Variants in RAB31 observed in about 807,000 individuals in gnomAD.
The protein encoded by RAB31 is RAB31, member RAS oncogene family.
Under a neutral mutation model 25.6 loss-of-function variants are expected in RAB31, and 21 were observed. That is an observed-to-expected ratio of 0.82 (90% confidence interval 0.58 to 1.18). RAB31 has a LOEUF of 1.18. Among genes scored for constraint, RAB31 ranks in the 50% most tolerant of loss-of-function variants. The pLI is 0.00. For synonymous variants in RAB31, 87 were observed against 84.0 expected, an observed-to-expected ratio of 1.04 and a Z score of -0.20; for missense variants, 196 against 250.1, an observed-to-expected ratio of 0.78 and a Z score of 1.46.
At chr18:9,839,240 G>A (rs2068720177) in intron 5 of RAB31, among the ~76,000 whole-genome samples, 1 of 152,168 alleles carries the variant, frequency 6.6e-6, no homozygotes, top group Non-Finnish European at 1.5e-5. Flanking sequence ...ACCTGAACAG[G>A]GAGAAGTGGG....
chr18:9,723,877 G>A (rs529882548), intron 1 of RAB31, among the ~76,000 whole-genome samples: 15 of 152,172 alleles, frequency 9.9e-5, no homozygotes, highest in South Asian at 2.1e-4. Flanking sequence ...AACACCTCCC[G>A]CGAGGCCCAC....
chr18:9,819,512 CGTT>C lies in RAB31; in HGVS notation c.380+4294_380+4296del, dbSNP rs1412046192. Among the ~76,000 whole-genome samples, 15 of 152,206 alleles carry C rather than the reference CGTT, an allele frequency of 9.9e-5. No individual in the cohort carries two copies. In the East Asian group the frequency reaches 2.9e-3, roughly 29 times the overall value. The stretch of plus-strand genomic sequence containing the variant: ...AAATTTAAAACTGTGAGTCCTTCAA[CGTT>C]GTTCTCTTTTTCAAGATTGTTTGAC... On this transcript the variant is annotated intron_variant, in intron 5 of 6. Coordinates refer to ENST00000578921, the MANE Select transcript of RAB31 (RefSeq NM_006868.4).
rs559716489 is a variant in RAB31, at chr18:9,771,742, C to G, written c.40-3536C>G. ...CATCCACTTGAGCGGTCCCAAGCCA[C>G]GGGTCAGAGAGGATTCGATGGTGGT... is the stretch of plus-strand genomic sequence containing the variant. On this transcript the variant is annotated intron_variant, in intron 1 of 6. Transcript: ENST00000578921. 2.0e-5 allele frequency among the ~76,000 whole-genome samples: 3 copies of G among 152,318 alleles called. No individual in the cohort carries two copies. In the South Asian group the frequency reaches 6.2e-4, roughly 32 times the overall value.
intron 2 of RAB31, among the ~76,000 whole-genome samples, chr18:9,782,318 G>A (rs1055745644): frequency 6.6e-6 from 1 of 152,202 alleles, no homozygotes; most frequent in Admixed American, 6.5e-5. Flanking sequence ...CAGCCCGTGA[G>A]CAGCCCACTC....
Position 9,859,377 on chromosome 18 carries a change from G to A in RAB31, c.*52G>A. ...GAAGAAGCCAGAGCCCACATCCTGTGCACTGCTGAAGGACCCTACGCTCGG... is the reference window on the plus strand; with the variant it reads ...GAAGAAGCCAGAGCCCACATCCTGTACACTGCTGAAGGACCCTACGCTCGG... On this transcript the variant is annotated 3_prime_UTR_variant, in exon 7 of 7. Coordinates refer to ENST00000578921, the MANE Select transcript of RAB31 (RefSeq NM_006868.4). 1 of 1,503,928 alleles carries A rather than the reference G, an allele frequency of 6.6e-7. No homozygotes were observed. The highest frequency in any genetic ancestry group is 9.2e-7 in the Non-Finnish European group (1 of 1,082,012). The allele number at this position is 1,503,928 out of a possible 1,614,324, so 93.2% of individuals were successfully genotyped here.
At position 9,752,556 on chromosome 18, in the gene RAB31, C is replaced by T. The variant is rs564971327; in HGVS notation, c.40-22722C>T. The stretch of plus-strand genomic sequence containing the variant: ...GGCCCTTTAAATGGACAAAACTGTG[C>T]AACCTGGAGGTCTGAGGGCAGCTGC... On this transcript the variant is annotated intron_variant, in intron 1 of 6. Transcript: ENST00000578921. Among the ~76,000 whole-genome samples the T allele has an allele frequency of 1.1e-4, 16 of 152,312 alleles. 1 individual carries two copies. The South Asian group carries it at 3.1e-3, about 30-fold the overall frequency.
chr18:9,797,286 A>G (rs1268108628), intron 3 of RAB31: 12 of 152,216 alleles, frequency 7.9e-5, no homozygotes, highest in Admixed American at 7.9e-4. Flanking sequence ...ACCTCTGGCT[A>G]TGAAATAGTT....
At chr18:9,790,296 T>G (rs905090690) in intron 2 of RAB31, among the ~76,000 whole-genome samples, 2 of 152,120 alleles carry the variant, frequency 1.3e-5, no homozygotes, top group Non-Finnish European at 2.9e-5. Flanking sequence ...ATCTTGGCGC[T>G]TCACTACCAG....
chr18:9,817,484 G>A (rs1001045549), intron 5 of RAB31, among the ~76,000 whole-genome samples: 24 of 152,096 alleles, frequency 1.6e-4, no homozygotes, highest in Admixed American at 1.3e-4. Flanking sequence ...AGAGATACTG[G>A]CCTGGCATTC....
intron 1 of RAB31, among the ~76,000 whole-genome samples, chr18:9,736,185 A>G (rs2068150403): frequency 6.6e-6 from 1 of 152,080 alleles, no homozygotes; most frequent in Admixed American, 6.6e-5. Context: ...GGTTGCCCAG[A>G]CTGGTATTGA....
chr18:9,786,427 CA>C (rs1414914178), intron 2 of RAB31, among the ~76,000 whole-genome samples: 1 of 152,224 alleles, frequency 6.6e-6, no homozygotes, highest in Non-Finnish European at 1.5e-5. Flanking sequence ...GCAAATTAAT[CA>C]AACTCAAAGA....
At chr18:9,851,996 T>C (rs1160424692) in intron 6 of RAB31, among the ~76,000 whole-genome samples, 2 of 150,522 alleles carry the variant, frequency 1.3e-5, no homozygotes, top group East Asian at 3.9e-4. Flanking sequence ...TAAATATTAT[T>C]CCAAGAATAT....
intron 2 of RAB31, chr18:9,787,575 G>T: frequency 5.5e-6 from 1 of 181,260 alleles, no homozygotes. Flanking sequence ...CCATCAGGTG[G>T]TCCATACTGG....
intron 1 of RAB31, among the ~76,000 whole-genome samples, chr18:9,755,002 G>A (rs1037874307): frequency 1.3e-5 from 2 of 152,158 alleles, no homozygotes; most frequent in African/African-American, 4.8e-5. Flanking sequence ...GAGGTCTACA[G>A]CTTGGGTTTC....
intron 2 of RAB31, among the ~76,000 whole-genome samples, chr18:9,786,487 A>G (rs1249669447): frequency 6.6e-6 from 1 of 152,250 alleles, no homozygotes; most frequent in Admixed American, 6.5e-5. Flanking sequence ...GAAGTTCTAG[A>G]GGCCCGGACT....
intron 2 of RAB31, among the ~76,000 whole-genome samples, chr18:9,780,658 C>T (rs1036515659): frequency 4.6e-5 from 7 of 152,154 alleles, no homozygotes; most frequent in African/African-American, 1.4e-4. Flanking sequence ...AGGCTAGACA[C>T]GGTGGCTCAC....
At chr18:9,788,358 A>T (rs2068443938) in intron 2 of RAB31, among the ~76,000 whole-genome samples, 3 of 152,366 alleles carry the variant, frequency 2.0e-5, no homozygotes, top group Non-Finnish European at 4.4e-5. Flanking sequence ...ATCTCTCTCC[A>T]GTTAGAATGG....
At chr18:9,721,763 C>T (rs971909010) in intron 1 of RAB31, among the ~76,000 whole-genome samples, 1 of 152,052 alleles carries the variant, frequency 6.6e-6, no homozygotes, top group South Asian at 2.1e-4. Flanking sequence ...CTGTCCCTGA[C>T]CTCATGGAGC....
chr18:9,835,550 AT>A lies in RAB31; in HGVS notation c.381-10029del, dbSNP rs569500029. 2.4e-4 allele frequency among the ~76,000 whole-genome samples: 37 copies of A among 152,344 alleles called. No individual in the cohort carries two copies. In the South Asian group the frequency reaches 7.7e-3, roughly 32 times the overall value. On this transcript the variant is annotated intron_variant, in intron 5 of 6. Coordinates refer to ENST00000578921, the MANE Select transcript of RAB31 (RefSeq NM_006868.4). Reference sequence around the variant, plus strand: ...TGCTCGTTTGAACCTGACACCAGGAATTTAGCCCCAGGTGAATAGCAGTTAA... The same window carrying A: ...TGCTCGTTTGAACCTGACACCAGGAATTAGCCCCAGGTGAATAGCAGTTAA...
Sources: allele counts gnomAD v4.1 joint callset (sites outside exome capture counted in the v4.1 genomes callset), GRCh38; gene constraint gnomAD v4.1.1; transcripts MANE v1.5; gene names NCBI Gene and HGNC (gene_info 2026-07-23, HGNC 2026-07-21).